Variants in NOVA1 observed in about 807,000 individuals in gnomAD.
NOVA1 encodes RNA-binding protein Nova-1.
A neutral mutation model predicts 38.0 loss-of-function variants in NOVA1; 7 were observed. That is an observed-to-expected ratio of 0.18 (90% CI 0.10 to 0.35). NOVA1 has a LOEUF of 0.35. NOVA1 is among the 10% of genes least tolerant of loss of function. The pLI, the probability that NOVA1 is intolerant of heterozygous loss-of-function variation, is 1.00. For synonymous variants in NOVA1, 270 were observed against 232.5 expected (o/e 1.16, Z -1.47); for missense variants, 460 against 616.0 (o/e 0.75, Z 2.68).
intron 2 of NOVA1, among the ~76,000 whole-genome samples, chr14:26,523,475 C>T (rs140814999): frequency 2.8e-3 from 419 of 152,244 alleles, no homozygotes; most frequent in Middle Eastern, 0.017. Flanking sequence ...GCTAATAACA[C>T]GTAAGTACAA....
intron 2 of NOVA1, among the ~76,000 whole-genome samples, chr14:26,542,545 G>A (rs1371766778): frequency 1.3e-5 from 2 of 151,804 alleles, no homozygotes; most frequent in East Asian, 3.9e-4. Flanking sequence ...ACAGGATAAT[G>A]TCTGAATGAA....
At chr14:26,493,959 C>A (rs1191902272) in intron 2 of NOVA1, among the ~76,000 whole-genome samples, 2 of 152,148 alleles carry the variant, frequency 1.3e-5, no homozygotes, top group Non-Finnish European at 2.9e-5. Flanking sequence ...TGGTATCATA[C>A]CCTTAAAATA....
At chr14:26,554,107 C>G (rs1891330266) in intron 2 of NOVA1, among the ~76,000 whole-genome samples, 1 of 148,230 alleles carries the variant, frequency 6.7e-6, no homozygotes, top group Non-Finnish European at 1.5e-5. Context: ...CAAGACTGCA[C>G]CACTGCATTC....
chr14:26,578,101 G>A (rs1168390752), intron 2 of NOVA1, among the ~76,000 whole-genome samples: 1 of 152,056 alleles, frequency 6.6e-6, no homozygotes, highest in Non-Finnish European at 1.5e-5. Flanking sequence ...TGATCACTGT[G>A]TCAAATGCTG....
intron 3 of NOVA1, chr14:26,479,310 C>A (rs1386328376): frequency 4.6e-5 from 7 of 151,918 alleles, no homozygotes; most frequent in Non-Finnish European, 1.0e-4. Context: ...TCATTTTCCC[C>A]CTACATCATG....
chr14:26,492,049 T>G (rs1036504687), intron 2 of NOVA1, among the ~76,000 whole-genome samples: 2 of 152,188 alleles, frequency 1.3e-5, no homozygotes. Flanking sequence ...CAACATTAAG[T>G]GTACTCACCC....
chr14:26,591,266 C>G (rs2138811904), intron 2 of NOVA1, among the ~76,000 whole-genome samples: 1 of 151,652 alleles, frequency 6.6e-6, no homozygotes. Flanking sequence ...AAAAGTAACC[C>G]TAACAATAGG....
chr14:26,528,251 C>CT lies in NOVA1; in HGVS notation c.281-48109_281-48108insA, dbSNP rs753954848. Among the ~76,000 whole-genome samples, 11 of 152,090 alleles carry CT rather than the reference C, an allele frequency of 7.2e-5. No individual in the cohort carries two copies. In the East Asian group the frequency reaches 7.7e-4, roughly 11 times the overall value. On this transcript the variant is annotated intron_variant, in intron 2 of 4. Coordinates refer to ENST00000539517, the MANE Select transcript of NOVA1 (RefSeq NM_002515.3). ...TCTAACCTGTTGACTCTTTTACTGT[C>CT]CTGTTATGCTTACTAGGTTTAGGCA...
At chr14:26,572,725 AGTGTGTGTGTGT>A (rs56021646) in intron 2 of NOVA1, among the ~76,000 whole-genome samples, 4 of 138,466 alleles carry the variant, frequency 2.9e-5, no homozygotes, top group African/African-American at 1.0e-4. Flanking sequence ...AAGGAACCGC[AGTGTGTGTGTGT>A]GTGTGTGTGT....
At chr14:26,493,687 G>A (rs1257404323) in intron 2 of NOVA1, among the ~76,000 whole-genome samples, 2 of 152,018 alleles carry the variant, frequency 1.3e-5, no homozygotes. Context: ...GAGGACAGAT[G>A]ACTGGCTCTC....
At chr14:26,532,134 G>C (rs1382990460) in intron 2 of NOVA1, among the ~76,000 whole-genome samples, 1 of 152,154 alleles carries the variant, frequency 6.6e-6, no homozygotes, top group African/African-American at 2.4e-5. Flanking sequence ...CCTCCTGGTG[G>C]TTTTTCACAG....
chr14:26,484,258 C>A (rs1338697007), intron 2 of NOVA1, among the ~76,000 whole-genome samples: 3 of 151,304 alleles, frequency 2.0e-5, no homozygotes, highest in South Asian at 2.1e-4. Flanking sequence ...CACGGTGAAA[C>A]CCCATCTCTA....
chr14:26,521,275 TTTACTGGACATA>T (rs1790700387), intron 2 of NOVA1, among the ~76,000 whole-genome samples: 1 of 151,982 alleles, frequency 6.6e-6, no homozygotes, highest in Non-Finnish European at 1.5e-5. Flanking sequence ...TTACAATGAG[TTTACTGGACATA>T]TTACTCTAAC....
intron 4 of NOVA1, among the ~76,000 whole-genome samples, chr14:26,465,347 G>T (rs1254787681): frequency 1.3e-5 from 2 of 151,910 alleles, no homozygotes; most frequent in African/African-American, 2.4e-5. Flanking sequence ...GCTAATTTTT[G>T]TATTTTTAGT....
At chr14:26,583,531 G>C (rs888901899) in intron 2 of NOVA1, among the ~76,000 whole-genome samples, 2 of 151,386 alleles carry the variant, frequency 1.3e-5, no homozygotes, top group Non-Finnish European at 3.0e-5. Flanking sequence ...CACTTCAGCT[G>C]TTCAATTTTT....
chr14:26,576,924 A>G (rs112546968), intron 2 of NOVA1, among the ~76,000 whole-genome samples: 14 of 152,038 alleles, frequency 9.2e-5, no homozygotes, highest in African/African-American at 3.4e-4. Context: ...CACAATATTA[A>G]CTATATCCTC....
At chr14:26,487,200 T>C (rs1885987116) in intron 2 of NOVA1, among the ~76,000 whole-genome samples, 2 of 152,208 alleles carry the variant, frequency 1.3e-5, no homozygotes, top group Non-Finnish European at 2.9e-5. Flanking sequence ...GGGGAAAGTA[T>C]ATACTTAACC....
At chr14:26,593,957 C>T (rs1263268147) in intron 2 of NOVA1, 2 of 151,892 alleles carry the variant, frequency 1.3e-5, no homozygotes, top group Non-Finnish European at 2.9e-5. Flanking sequence ...TTTCCTAGAA[C>T]TATCACGTTA....
In NOVA1 at chr14:26,597,500, CTTT is replaced by C; in HGVS notation, c.-67_-65del. Reference sequence around the variant, plus strand: ...CCCTTTTGTTTTGGCTTTTTCTTTTCTTTTTTCTTTTTTTTTTTTTTTTTTTTT... The same window carrying C: ...CCCTTTTGTTTTGGCTTTTTCTTTTCTTTCTTTTTTTTTTTTTTTTTTTTT... On this transcript the variant is annotated 5_prime_UTR_variant, in exon 1 of 5. Transcript: ENST00000539517. 1 of 850,762 alleles carries C rather than the reference CTTT, an allele frequency of 1.2e-6. No homozygotes were observed. The highest frequency in any genetic ancestry group is 1.4e-6 in the Non-Finnish European group (1 of 702,822). The allele number at this position is 850,762 out of a possible 1,614,324, so 52.7% of individuals were successfully genotyped here.
Sources: gnomAD v4.1 joint callset for allele counts (sites outside exome capture counted in the v4.1 genomes callset) on GRCh38, gnomAD v4.1.1 for gene constraint, MANE v1.5 for transcripts, NCBI Gene and HGNC (gene_info 2026-07-23, HGNC 2026-07-21) for gene names.